Variants in CEP162 observed in about 807,000 individuals in gnomAD.
CEP162 encodes the protein centrosomal protein of 162 kDa.
A neutral mutation model predicts 169.2 loss-of-function variants in CEP162; 141 were observed. The ratio of observed to expected loss-of-function variants is 0.83; its 90% CI spans 0.73 to 0.96. The LOEUF (loss-of-function observed/expected upper bound fraction) is 0.96. Among genes scored for constraint, CEP162 ranks in the 40% least tolerant of loss-of-function variants. CEP162 has a pLI of 0.00. For missense variants in CEP162, 1,600 were observed against 1,587.2 expected, an observed-to-expected ratio of 1.01 and a Z score of -0.14; for synonymous variants, 540 against 526.4, an observed-to-expected ratio of 1.03 and a Z score of -0.35.
At position 84,155,268 on chromosome 6, in the gene CEP162, C is replaced by A. The variant is rs367687438; in HGVS notation, c.2994+30G>T. 3.4e-5 allele frequency: 53 copies of A among 1,559,742 alleles called. 1 individual carries two copies. In the African/African-American group the frequency reaches 6.9e-4, roughly 20 times the overall value. ...GCCTGCCCCCATTGTTCATCTCTGA[C>A]CTTTATCTCTGAGGCTACTTACCAC... On this transcript the variant is annotated intron_variant, in intron 22 of 26. Transcript: ENST00000403245.
Position 84,215,484 on chromosome 6 carries a change from T to A in CEP162, c.320-19A>T. The A allele has an allele frequency of 1.3e-6, 2 of 1,510,802 alleles. No homozygotes were observed. The highest frequency in any genetic ancestry group is 1.8e-6 in the Non-Finnish European group (2 of 1,125,188). 93.6% of individuals were successfully genotyped at this position (1,510,802 alleles called of 1,614,324 possible). A position where few individuals can be genotyped will look rare whatever the true frequency, so the allele number is the denominator to read the frequency against. The stretch of plus-strand genomic sequence containing the variant: ...ACTAGTTCTAAATGGAAAGCACAAA[T>A]ATATTTTAGTAATATACAGAATTTT... On this transcript the variant is annotated intron_variant, in intron 4 of 26. Coordinates refer to ENST00000403245, the MANE Select transcript of CEP162 (RefSeq NM_014895.4).
intron 22 of CEP162, among the ~76,000 whole-genome samples, chr6:84,153,508 C>T (rs1254473689): frequency 6.6e-6 from 1 of 152,180 alleles, no homozygotes; most frequent in African/African-American, 2.4e-5. Flanking sequence ...TCCATGCAAA[C>T]TGTCAACACA....
chr6:84,155,207 T>G, intron 22 of CEP162, 91 bp downstream of exon 22: 1 of 962,358 alleles, frequency 1.0e-6, no homozygotes, highest in Non-Finnish European at 1.6e-6. Flanking sequence ...GGAAAGAATG[T>G]TTATAGCTAT....
At chr6:84,216,044 T>C (rs1562095065) in intron 3 of CEP162, 122 bp from the exon 4 acceptor site, 13 of 1,222,904 alleles carry the variant, frequency 1.1e-5, no homozygotes, top group Non-Finnish European at 1.4e-5. Context: ...AAATCTGCTC[T>C]ATTAAATAAA....
intron 25 of CEP162, among the ~76,000 whole-genome samples, chr6:84,145,734 A>C (rs1284332225): frequency 6.6e-6 from 1 of 152,114 alleles, no homozygotes; most frequent in South Asian, 2.1e-4. Flanking sequence ...GAATGACTTG[A>C]TATAAACTGC....
At chr6:84,180,003 C>T (rs1588809871) in intron 13 of CEP162, among the ~76,000 whole-genome samples, 1 of 152,134 alleles carries the variant, frequency 6.6e-6, no homozygotes, top group African/African-American at 2.4e-5. Flanking sequence ...ATGAGGTCAG[C>T]ATCATCCTGA....
intron 18 of CEP162, 33 bp from the exon 19 acceptor site, chr6:84,163,303 T>G (rs2099526489): frequency 1.3e-6 from 2 of 1,492,928 alleles, no homozygotes; most frequent in South Asian, 2.3e-5. Context: ...AAAGCAAGTT[T>G]TTTACAACCA....
intron 11 of CEP162, among the ~76,000 whole-genome samples, chr6:84,190,280 A>C (rs1206696307): frequency 6.6e-6 from 1 of 152,154 alleles, no homozygotes; most frequent in Admixed American, 6.5e-5. Flanking sequence ...TATCTAGCTC[A>C]GGGATTGTAA....
intron 13 of CEP162, among the ~76,000 whole-genome samples, chr6:84,175,790 T>C (rs1448805238): frequency 6.6e-6 from 1 of 152,196 alleles, no homozygotes; most frequent in African/African-American, 2.4e-5. Context: ...ACATTTTTTA[T>C]AAACAATGTA....
At chr6:84,225,693 A>T (rs1414365655) in intron 2 of CEP162, among the ~76,000 whole-genome samples, 1 of 146,942 alleles carries the variant, frequency 6.8e-6, no homozygotes, top group African/African-American at 2.7e-5. Flanking sequence ...AAACAGACCC[A>T]TACAAGAAAA....
chr6:84,221,353 A>G (rs2099553650), intron 2 of CEP162, among the ~76,000 whole-genome samples, 182 bp from the exon 3 acceptor site: 1 of 152,240 alleles, frequency 6.6e-6, no homozygotes, highest in African/African-American at 2.4e-5. Context: ...TAACTTAAAA[A>G]TCAGACACAC....
chr6:84,141,560 T>C (rs1287805168), intron 25 of CEP162, among the ~76,000 whole-genome samples: 1 of 152,278 alleles, frequency 6.6e-6, no homozygotes, highest in East Asian at 1.9e-4. Context: ...AACAAATTCC[T>C]TTAATCCTAA....
At position 84,194,882 on chromosome 6, in the gene CEP162, A is replaced by G; in HGVS notation, c.1027+2T>C. 1 of 1,588,012 alleles carries G rather than the reference A, an allele frequency of 6.3e-7. No individual in the cohort carries two copies. The highest frequency in any genetic ancestry group is 8.6e-7 in the Non-Finnish European group (1 of 1,164,664). ...TTGAAAAATTCATCTGTAAGTTTTT[A>G]CCAGATTCCATAGTAGAGATGTTTT... On this transcript the variant is annotated splice_donor_variant, in intron 10 of 26. Coordinates refer to ENST00000403245, the MANE Select transcript of CEP162 (RefSeq NM_014895.4). LOFTEE classifies it high-confidence loss of function.
At chr6:84,134,919 T>TACACACACACAC (rs35312098) in intron 25 of CEP162, among the ~76,000 whole-genome samples, 8 of 148,256 alleles carry the variant, frequency 5.4e-5, no homozygotes, top group African/African-American at 1.7e-4. Context: ...AGATCATATA[T>TACACACACACAC]ACACACACAC....
chr6:84,175,306 C>A lies in CEP162; in HGVS notation c.1705G>T (p.Asp569Tyr). 1 of 1,546,692 alleles carries A rather than the reference C, an allele frequency of 6.5e-7. No individual in the cohort carries two copies. The highest frequency in any genetic ancestry group is 8.7e-7 in the Non-Finnish European group (1 of 1,144,480). The change falls in exon 14 of 27, where the codon GAT becomes TAT. Residue 569 changes from aspartate to tyrosine, a missense_variant. Transcript: ENST00000403245. The part of the protein sequence containing the change: ...GTKLIKPAAL[D>Y]KPAHKTESCL... ...CTTTCAGTTTTGTGAGCTGGTTTAT[C>A]CAAAGCTGCAGGCTTGATGAGTTTT...
chr6:84,149,481 A>G lies in CEP162; in HGVS notation c.3771+81T>C. On this transcript the variant is annotated intron_variant, in intron 24 of 26. Coordinates refer to ENST00000403245, the MANE Select transcript of CEP162 (RefSeq NM_014895.4). ...GCTGAAAAAGTTAAAACATTTCCAAATAAAACAATGTTAACTTTAATCTCA... is the reference window on the plus strand; with the variant it reads ...GCTGAAAAAGTTAAAACATTTCCAAGTAAAACAATGTTAACTTTAATCTCA... 5 of 1,134,948 alleles carry G rather than the reference A, an allele frequency of 4.4e-6. No homozygotes were observed. The South Asian group carries it at 1.2e-4, about 27-fold the overall frequency. 70.3% of individuals were successfully genotyped at this position (1,134,948 alleles called of 1,614,324 possible).
chr6:84,170,230 C>T lies in CEP162; in HGVS notation c.2280-797G>A, dbSNP rs537708576. 7.2e-5 allele frequency among the ~76,000 whole-genome samples: 11 copies of T among 151,754 alleles called. No individual in the cohort carries two copies. In the South Asian group the frequency reaches 8.3e-4, roughly 12 times the overall value. On this transcript the variant is annotated intron_variant, in intron 17 of 26. Transcript: ENST00000403245. ...CTACTAAAAAATACAAAAAATTAGC[C>T]GGGCATGGTGGCGGGTGCCTGTAGT... is the stretch of plus-strand genomic sequence containing the variant.
chr6:84,162,285 C>T lies in CEP162; in HGVS notation c.2513-376G>A, dbSNP rs60928798. Among the ~76,000 whole-genome samples, 467 of 152,136 alleles carry T rather than the reference C, an allele frequency of 3.1e-3. 2 individuals are homozygous for T. Among genetic ancestry groups the T allele is most frequent in the African/African-American group, 0.01 (423 of 41,520 alleles). On this transcript the variant is annotated intron_variant, in intron 19 of 26. Coordinates refer to ENST00000403245, the MANE Select transcript of CEP162 (RefSeq NM_014895.4). The stretch of plus-strand genomic sequence containing the variant: ...CCATAATTATACTAAAAAGTAACAA[C>T]GACAAACATTCAGGAGTGCTTATTA...
chr6:84,146,531 A>G (rs2099518936), intron 25 of CEP162, among the ~76,000 whole-genome samples, 156 bp downstream of exon 25: 1 of 152,132 alleles, frequency 6.6e-6, no homozygotes. Flanking sequence ...ACCTGGGGAA[A>G]GCAGATTTTA....
Sources: allele counts gnomAD v4.1 joint callset (sites outside exome capture counted in the v4.1 genomes callset), GRCh38; gene constraint gnomAD v4.1.1; transcripts MANE v1.5; gene names NCBI Gene and HGNC (gene_info 2026-07-23, HGNC 2026-07-21).